The following DDR2 variants were observed in gnomAD, a reference collection of about 807,000 sequenced individuals.
The protein encoded by DDR2 is discoidin domain receptor tyrosine kinase 2.
A neutral mutation model predicts 94.9 loss-of-function variants in DDR2; 27 were observed. The ratio of observed to expected loss-of-function variants is 0.28; its 90% CI spans 0.21 to 0.39. The LOEUF is 0.39. Among genes scored for constraint, DDR2 ranks in the 10% least tolerant of loss-of-function variants. The probability of loss-of-function intolerance (pLI) is 1.00; values close to 1 mark genes in which losing one functional copy is unlikely to be tolerated. For synonymous variants in DDR2, 382 were observed against 377.2 expected (o/e 1.01, Z -0.15); for missense variants, 783 against 1,076.0 (o/e 0.73, Z 3.81).
intron 3 of DDR2, among the ~76,000 whole-genome samples, chr1:162,727,704 C>G (rs1661767259): frequency 6.8e-6 from 1 of 147,216 alleles, no homozygotes; most frequent in South Asian, 2.1e-4. Flanking sequence ...ATCACTACAC[C>G]AGAGACAAAG....
At chr1:162,771,934 C>T in intron 12 of DDR2, 90 bp from the exon 13 acceptor site, 1 of 1,357,192 alleles carries the variant, frequency 7.4e-7, no homozygotes, top group Non-Finnish European at 1.0e-6. Context: ...TTCACAGGGG[C>T]ATGTTTTAGC....
At chr1:162,704,081 G>T (rs1660547479) in intron 2 of DDR2, among the ~76,000 whole-genome samples, 1 of 152,176 alleles carries the variant, frequency 6.6e-6, no homozygotes, top group South Asian at 2.1e-4. Flanking sequence ...GCCTTATCCT[G>T]CAAGGAACCT....
intron 1 of DDR2, among the ~76,000 whole-genome samples, chr1:162,649,572 A>C (rs10494373): frequency 0.075 from 11,343 of 152,232 alleles, 435 homozygotes; most frequent in Admixed American, 0.093. Flanking sequence ...AAAAAGGAAA[A>C]TAATCTGCAA....
At chr1:162,692,706 G>A (rs962000005) in intron 2 of DDR2, among the ~76,000 whole-genome samples, 3 of 152,112 alleles carry the variant, frequency 2.0e-5, no homozygotes, top group African/African-American at 2.4e-5. Context: ...ATCAGACATG[G>A]TATAACCTAT....
chr1:162,667,972 G>A (rs1658663469), intron 2 of DDR2, among the ~76,000 whole-genome samples: 1 of 152,112 alleles, frequency 6.6e-6, no homozygotes, highest in Non-Finnish European at 1.5e-5. Flanking sequence ...GAAAGAAAAA[G>A]AACAATTCAG....
At chr1:162,639,545 CAT>C (rs879719506) in intron 1 of DDR2, among the ~76,000 whole-genome samples, 21 of 152,244 alleles carry the variant, frequency 1.4e-4, no homozygotes, top group Admixed American at 7.8e-4. Flanking sequence ...TAGAAAATAA[CAT>C]AGGAAAAAAT....
chr1:162,673,604 TGTGTGA>T (rs1558018974), intron 2 of DDR2, among the ~76,000 whole-genome samples: 2,691 of 127,470 alleles, frequency 0.021, 28 homozygotes, highest in South Asian at 0.08. Context: ...TATGTGTGTG[TGTGTGA>T]GAGAGAGAGA....
chr1:162,699,459 T>C (rs897253109), intron 2 of DDR2, among the ~76,000 whole-genome samples: 3 of 152,160 alleles, frequency 2.0e-5, no homozygotes, highest in Non-Finnish European at 4.4e-5. Context: ...CTGTGAAAAA[T>C]GGACTGTAGC....
chr1:162,650,782 G>A (rs1338981670), intron 1 of DDR2, among the ~76,000 whole-genome samples: 1 of 152,002 alleles, frequency 6.6e-6, no homozygotes, highest in Non-Finnish European at 1.5e-5. Flanking sequence ...CTGTAGTGCA[G>A]TGGCTCGATC....
intron 2 of DDR2, among the ~76,000 whole-genome samples, chr1:162,688,183 C>T (rs138093246): frequency 6.6e-6 from 1 of 152,226 alleles, no homozygotes. Flanking sequence ...ACTGACATGT[C>T]TCCAGTACAA....
In DDR2 at chr1:162,685,148, A is replaced by C. The variant is rs192655540; in HGVS notation, c.-28+29774A>C. 8.9e-4 allele frequency among the ~76,000 whole-genome samples: 135 copies of C among 152,224 alleles called. 2 individuals are homozygous for C. Among genetic ancestry groups the C allele is most frequent in the Middle Eastern group, 6.8e-3 (2 of 294 alleles). ...GTGCCTTGGTTTGCTCTTCAGTATG[A>C]TTGGAATAATTATATACAAAATATA... On this transcript the variant is annotated intron_variant, in intron 2 of 17. Transcript: ENST00000367921.
chr1:162,649,291 G>T (rs778657271), intron 1 of DDR2, among the ~76,000 whole-genome samples: 3 of 152,118 alleles, frequency 2.0e-5, no homozygotes, highest in Non-Finnish European at 2.9e-5. Flanking sequence ...AAACTTTTTG[G>T]ATCATGGAGC....
intron 2 of DDR2, among the ~76,000 whole-genome samples, chr1:162,686,248 G>A (rs372716930): frequency 1.3e-5 from 2 of 151,802 alleles, no homozygotes; most frequent in Non-Finnish European, 1.5e-5. Context: ...TGTGCAGAAC[G>A]TGCAGGTTTG....
intron 3 of DDR2, among the ~76,000 whole-genome samples, chr1:162,746,392 G>A (rs375383015): frequency 2.0e-5 from 3 of 152,316 alleles, no homozygotes; most frequent in East Asian, 1.9e-4. Context: ...GTCCGAGATC[G>A]AACTACAAGG....
At chr1:162,723,053 C>T (rs1428535515) in intron 3 of DDR2, among the ~76,000 whole-genome samples, 1 of 152,172 alleles carries the variant, frequency 6.6e-6, no homozygotes, top group Non-Finnish European at 1.5e-5. Flanking sequence ...AAATTTTAAA[C>T]CCTAAAACTC....
At chr1:162,648,635 C>G (rs1343779547) in intron 1 of DDR2, among the ~76,000 whole-genome samples, 1 of 151,958 alleles carries the variant, frequency 6.6e-6, no homozygotes, top group East Asian at 1.9e-4. Context: ...AAAAAACAAA[C>G]AAACAAAAAC....
chr1:162,667,009 T>A (rs996037406), intron 2 of DDR2, among the ~76,000 whole-genome samples: 1 of 151,518 alleles, frequency 6.6e-6, no homozygotes, highest in South Asian at 2.1e-4. Flanking sequence ...TATACACACA[T>A]ATCATTTTCA....
intron 16 of DDR2, among the ~76,000 whole-genome samples, 159 bp downstream of exon 16, chr1:162,776,529 T>C (rs796555266): frequency 2.1e-4 from 32 of 152,356 alleles, no homozygotes; most frequent in African/African-American, 7.5e-4. Context: ...ATTCTTATTA[T>C]TTAATGCTTG....
intron 14 of DDR2, 42 bp downstream of exon 14, chr1:162,773,638 C>T (rs1266157460): frequency 3.7e-6 from 6 of 1,611,250 alleles, no homozygotes; most frequent in Non-Finnish European, 5.1e-6. Context: ...GGTATTTCAT[C>T]TTTAGGACCA....
Sources: allele counts gnomAD v4.1 joint callset (sites outside exome capture counted in the v4.1 genomes callset), GRCh38; gene constraint gnomAD v4.1.1; transcripts MANE v1.5; gene names NCBI Gene and HGNC (gene_info 2026-07-23, HGNC 2026-07-21).